CALN1: variants seen among roughly 807,000 people sequenced by gnomAD.
CALN1 encodes calneuron 1.
Under a neutral mutation model 30.6 loss-of-function variants are expected in CALN1, and 17 were observed. The ratio of observed to expected loss-of-function variants is 0.56; its 90% CI spans 0.38 to 0.83. The LOEUF (loss-of-function observed/expected upper bound fraction) is 0.83, where lower values mean the gene tolerates loss of function less well. Ranked by LOEUF, CALN1 falls within the 40% of genes least tolerant of loss-of-function variation. The probability of loss-of-function intolerance (pLI) is 0.00; values close to 1 mark genes in which losing one functional copy is unlikely to be tolerated. For synonymous variants in CALN1, 156 were observed against 131.4 expected (o/e 1.19, Z -1.28); for missense variants, 291 against 354.9 (o/e 0.82, Z 1.45).
At chr7:71,831,148 A>G (rs1012717711) in intron 5 of CALN1, among the ~76,000 whole-genome samples, 2 of 152,112 alleles carry the variant, frequency 1.3e-5, no homozygotes, top group African/African-American at 4.8e-5. Flanking sequence ...AATGACTTGG[A>G]ATCTGTTTCC....
At chr7:72,248,658 C>T (rs926890522) in intron 3 of CALN1, among the ~76,000 whole-genome samples, 2 of 152,122 alleles carry the variant, frequency 1.3e-5, no homozygotes, top group Non-Finnish European at 2.9e-5. Context: ...ATCTCAACAT[C>T]CTAATGTAGT....
chr7:72,309,245 C>T (rs542502580), intron 2 of CALN1, among the ~76,000 whole-genome samples: 1 of 152,296 alleles, frequency 6.6e-6, no homozygotes, highest in South Asian at 2.1e-4. Flanking sequence ...CAACTAAAGG[C>T]ATTCATTTAT....
chr7:72,101,110 C>T (rs1806631244), intron 4 of CALN1, among the ~76,000 whole-genome samples: 1 of 151,854 alleles, frequency 6.6e-6, no homozygotes, highest in Non-Finnish European at 1.5e-5. Flanking sequence ...ATTACAGGCA[C>T]ATGGTACCAT....
intron 3 of CALN1, among the ~76,000 whole-genome samples, chr7:72,219,662 C>T (rs115148694): frequency 1.4e-5 from 2 of 144,402 alleles, no homozygotes; most frequent in Admixed American, 7.0e-5. Flanking sequence ...CGCACACACA[C>T]CCTTGCACAC....
intron 3 of CALN1, among the ~76,000 whole-genome samples, chr7:72,139,101 A>C (rs1177946943): frequency 6.6e-6 from 1 of 152,092 alleles, no homozygotes; most frequent in South Asian, 2.1e-4. Flanking sequence ...TTCAGCTTCA[A>C]ATTTCTCACT....
chr7:71,971,642 A>C (rs1483930605), intron 5 of CALN1, among the ~76,000 whole-genome samples: 1 of 152,068 alleles, frequency 6.6e-6, no homozygotes, highest in Non-Finnish European at 1.5e-5. Context: ...TCACACCTGT[A>C]ATCTCACCGT....
At chr7:71,959,750 T>C (rs982609386) in intron 5 of CALN1, among the ~76,000 whole-genome samples, 10 of 152,142 alleles carry the variant, frequency 6.6e-5, no homozygotes, top group Admixed American at 1.3e-4. Context: ...ATGGTGCTCA[T>C]AGGACTAGAA....
At chr7:72,481,030 G>A in the CALN1 span, among the ~76,000 whole-genome samples, 200 of 152,212 alleles carry the variant, frequency 1.3e-3, 2 homozygotes, top group African/African-American at 4.5e-3. Flanking sequence ...TCGGCTCCCT[G>A]TGACCTCCGC....
chr7:72,303,299 C>CA (rs1434317273), intron 2 of CALN1, among the ~76,000 whole-genome samples: 4 of 152,066 alleles, frequency 2.6e-5, no homozygotes, highest in Non-Finnish European at 4.4e-5. Flanking sequence ...AGTGAACTTC[C>CA]AGCATCAGTG....
At chr7:72,344,105 C>T (rs1055933437) in intron 2 of CALN1, among the ~76,000 whole-genome samples, 3 of 151,926 alleles carry the variant, frequency 2.0e-5, no homozygotes, top group Non-Finnish European at 2.9e-5. Flanking sequence ...AGTGCAGTGG[C>T]TTGATTTCAG....
At chr7:72,373,034 A>C (rs1289700031) in intron 2 of CALN1, among the ~76,000 whole-genome samples, 1 of 152,200 alleles carries the variant, frequency 6.6e-6, no homozygotes, top group East Asian at 1.9e-4. Context: ...AGGAAAACAG[A>C]AAGTCTCAGC....
intron 5 of CALN1, among the ~76,000 whole-genome samples, chr7:71,905,634 A>AT (rs1794093079): frequency 6.6e-6 from 1 of 152,114 alleles, no homozygotes; most frequent in Admixed American, 6.5e-5. Context: ...TACGCACTCC[A>AT]TAGAGTGGGA....
chr7:71,857,016 ATGTGTGTGTGTG>A (rs200594767), intron 5 of CALN1, among the ~76,000 whole-genome samples: 110 of 142,322 alleles, frequency 7.7e-4, no homozygotes, highest in East Asian at 5.5e-3. Context: ...GTGTATATGT[ATGTGTGTGTGTG>A]TGTGTGTGTG....
Position 72,245,615 on chromosome 7 carries a change from T to C in CALN1, c.244+33071A>G, listed in dbSNP as rs556084773. ...CCTGGGCAACAAGAATGAAACTCCATCTCTAAATAAATAAATAAATAAATA... is the reference window on the plus strand; with the variant it reads ...CCTGGGCAACAAGAATGAAACTCCACCTCTAAATAAATAAATAAATAAATA... On this transcript the variant is annotated intron_variant, in intron 3 of 6. Transcript: ENST00000395275. Among the ~76,000 whole-genome samples, 777 of 140,648 alleles carry C rather than the reference T, an allele frequency of 5.5e-3. 9 individuals are homozygous for C. The highest frequency in any genetic ancestry group is 0.019 in the African/African-American group (718 of 37,682). The allele number at this position is 140,648 out of a possible 152,430, so 92.3% of individuals were successfully genotyped here.
intron 2 of CALN1, among the ~76,000 whole-genome samples, chr7:72,389,300 T>C (rs536604827): frequency 6.6e-6 from 1 of 152,328 alleles, no homozygotes; most frequent in East Asian, 1.9e-4. Context: ...TCTCCAACTT[T>C]GAATCAGAAA....
chr7:72,011,379 T>C (rs1318511535), intron 5 of CALN1, among the ~76,000 whole-genome samples: 2 of 152,128 alleles, frequency 1.3e-5, no homozygotes, highest in African/African-American at 4.8e-5. Flanking sequence ...CCCTGGTCTC[T>C]TGGCTGCACC....
rs1265952277 is a variant in CALN1, at chr7:72,273,512, TTTTTTTTTC to T, written c.244+5165_244+5173del. 3.5e-4 allele frequency among the ~76,000 whole-genome samples: 42 copies of T among 121,650 alleles called. No homozygotes were observed. The East Asian group carries it at 0.027, about 79-fold the overall frequency. The allele number at this position is 121,650 out of a possible 152,430, so 79.8% of individuals were successfully genotyped here. A position where few individuals can be genotyped will look rare whatever the true frequency, so the allele number is the denominator to read the frequency against. On this transcript the variant is annotated intron_variant, in intron 3 of 6. Coordinates refer to ENST00000395275, the MANE Select transcript of CALN1 (RefSeq NM_031468.4). ...AAGAAGGCAAGATTCTTTTTTTTTT[TTTTTTTTTC>T]TTCCCCCTAGAGACAGGGTCTTTCT...
intron 4 of CALN1, among the ~76,000 whole-genome samples, chr7:72,054,446 T>TATATACACATATATAC (rs1491141581): frequency 2.1e-5 from 1 of 47,438 alleles, no homozygotes; most frequent in South Asian, 4.5e-4. Context: ...TATATATATA[T>TATATACACATATATAC]ACATATATAT....
intron 5 of CALN1, among the ~76,000 whole-genome samples, chr7:71,814,967 G>A (rs1788175944): frequency 6.6e-6 from 1 of 151,814 alleles, no homozygotes; most frequent in Non-Finnish European, 1.5e-5. Flanking sequence ...CTGAGTGGCT[G>A]GGACTACAGG....
Sources: gnomAD v4.1 joint callset for allele counts (sites outside exome capture counted in the v4.1 genomes callset) on GRCh38, gnomAD v4.1.1 for gene constraint, MANE v1.5 for transcripts, NCBI Gene and HGNC (gene_info 2026-07-23, HGNC 2026-07-21) for gene names.